The following AADAT variants were observed in gnomAD, a reference collection of about 807,000 sequenced individuals.
AADAT encodes the protein kynurenine/alpha-aminoadipate aminotransferase, mitochondrial.
In AADAT, 25 loss-of-function variants were observed where a neutral mutation model predicts 56.2. That is an observed-to-expected ratio of 0.44 (90% CI 0.32 to 0.62). AADAT has a LOEUF of 0.62. Ranked by LOEUF, AADAT falls within the 20% of genes least tolerant of loss-of-function variation. The pLI, the probability that AADAT is intolerant of heterozygous loss-of-function variation, is 0.04. For synonymous variants in AADAT, 173 were observed against 164.7 expected (o/e 1.05, Z -0.39); for missense variants, 387 against 510.5 (o/e 0.76, Z 2.33).
At chr4:170,092,352 C>A (rs545714019), upstream of AADAT, among the ~76,000 whole-genome samples, 2 of 152,328 alleles carry the variant, frequency 1.3e-5, no homozygotes, top group South Asian at 2.1e-4. Flanking sequence ...GTAAACAAAT[C>A]CAGCCGAGCT....
At chr4:170,075,170 TATATGC>T (rs1197134889) in intron 4 of AADAT, among the ~76,000 whole-genome samples, 4 of 152,246 alleles carry the variant, frequency 2.6e-5, no homozygotes, top group Non-Finnish European at 1.5e-5. Flanking sequence ...TGTGCGTGTG[TATATGC>T]ACGCTTTATA....
chr4:170,070,301 C>T (rs1731696580), intron 6 of AADAT, among the ~76,000 whole-genome samples: 1 of 151,960 alleles, frequency 6.6e-6, no homozygotes, highest in Non-Finnish European at 1.5e-5. Flanking sequence ...GTCCATCAGC[C>T]CTGATTTACT....
upstream of AADAT, among the ~76,000 whole-genome samples, chr4:170,091,434 C>A (rs897591731): frequency 6.6e-6 from 1 of 152,210 alleles, no homozygotes; most frequent in Admixed American, 6.5e-5. Flanking sequence ...GCGCTACCTT[C>A]GAATTCTCGC....
intron 3 of AADAT, among the ~76,000 whole-genome samples, chr4:170,084,040 T>C (rs1732438073): frequency 6.6e-6 from 1 of 152,186 alleles, no homozygotes; most frequent in African/African-American, 2.4e-5. Flanking sequence ...CACAATGGAA[T>C]ATTATTCAAC....
chr4:170,089,634 G>T lies in AADAT; in HGVS notation c.57C>A (p.Ile19=). 1 of 1,614,184 alleles carries T rather than the reference G, an allele frequency of 6.2e-7. No individual in the cohort carries two copies. Among genetic ancestry groups the T allele is most frequent in the Non-Finnish European group, 8.5e-7 (1 of 1,180,024 alleles). The change falls in exon 1 of 13, where the codon ATC becomes ATA. Residue 19 remains isoleucine (I), a synonymous_variant. Transcript: ENST00000337664. ...CACCCCGTTTCTCACTCATGGTCCG[G>T]ATGGGAGAAGGGTTTCTGGCTGCGC... ...AASAARNPSP[I]RTMTDILSRG...
At chr4:170,064,309 T>G (rs557669596) in intron 11 of AADAT, among the ~76,000 whole-genome samples, 1 of 152,318 alleles carries the variant, frequency 6.6e-6, no homozygotes, top group South Asian at 2.1e-4. Context: ...GCTTTACATA[T>G]ATTAACTCAC....
In AADAT at chr4:170,088,255, T is replaced by C. The variant is rs144355399; in HGVS notation, c.236+141A>G. On this transcript the variant is annotated intron_variant, in intron 2 of 12. Coordinates refer to ENST00000337664, the MANE Select transcript of AADAT (RefSeq NM_016228.4). Reference sequence around the variant, plus strand: ...TATTCAATGACTGAGTATTTGGTCATTGAATGACCAAATGGGTCAATGGCT... The same window carrying C: ...TATTCAATGACTGAGTATTTGGTCACTGAATGACCAAATGGGTCAATGGCT... 433 of 826,300 alleles carry C rather than the reference T, an allele frequency of 5.2e-4. 2 individuals carry two copies. The African/African-American group carries it at 5.6e-3, about 11-fold the overall frequency. 51.2% of individuals were successfully genotyped at this position (826,300 alleles called of 1,614,324 possible). A position where few individuals can be genotyped will look rare whatever the true frequency, so the allele number is the denominator to read the frequency against.
At chr4:170,092,604 AC>A (rs889245319), upstream of AADAT, among the ~76,000 whole-genome samples, 15 of 152,180 alleles carry the variant, frequency 9.9e-5, no homozygotes, top group Non-Finnish European at 2.1e-4. Context: ...CCTGTTAGAA[AC>A]CCACGAGGCA....
At chr4:170,088,777 G>C (rs1168060187) in intron 1 of AADAT, among the ~76,000 whole-genome samples, 3 of 152,138 alleles carry the variant, frequency 2.0e-5, no homozygotes, top group African/African-American at 7.2e-5. Context: ...GAGGTGATTA[G>C]GTCAGGAGGG....
intron 4 of AADAT, among the ~76,000 whole-genome samples, chr4:170,075,801 A>G (rs113571908): frequency 2.0e-5 from 3 of 152,236 alleles, no homozygotes; most frequent in African/African-American, 7.2e-5. Flanking sequence ...TATCTCCACT[A>G]ATTTGTCTAT....
At chr4:170,069,306 T>A in intron 6 of AADAT, 76 bp from the exon 7 acceptor site, 3 of 1,168,370 alleles carry the variant, frequency 2.6e-6, no homozygotes, top group Admixed American at 2.0e-5. Flanking sequence ...GAATAGAGAG[T>A]AGAACAGGAG....
intron 11 of AADAT, among the ~76,000 whole-genome samples, 197 bp from the exon 12 acceptor site, chr4:170,062,190 A>C (rs1230929182): frequency 6.6e-6 from 1 of 152,246 alleles, no homozygotes; most frequent in Admixed American, 6.5e-5. Flanking sequence ...GAAACTGAAA[A>C]AATGTTCAGA....
chr4:170,065,018 G>C (rs1299746347), intron 10 of AADAT, among the ~76,000 whole-genome samples, 193 bp from the exon 11 acceptor site: 1 of 150,954 alleles, frequency 6.6e-6, no homozygotes, highest in East Asian at 2.0e-4. Flanking sequence ...ATTTCAAAGA[G>C]TTACTGTGGG....
chr4:170,071,532 G>A (rs1167281502), intron 5 of AADAT, among the ~76,000 whole-genome samples: 2 of 152,214 alleles, frequency 1.3e-5, no homozygotes, highest in African/African-American at 4.8e-5. Flanking sequence ...ACCTAGCTCT[G>A]CAAGGCAGAT....
upstream of AADAT, among the ~76,000 whole-genome samples, chr4:170,091,964 C>T (rs977352141): frequency 3.3e-5 from 5 of 152,208 alleles, no homozygotes; most frequent in African/African-American, 1.2e-4. Flanking sequence ...AATTAGCACT[C>T]TGTATCTAAC....
At chr4:170,081,998 T>G (rs994852840) in intron 3 of AADAT, among the ~76,000 whole-genome samples, 6 of 152,170 alleles carry the variant, frequency 3.9e-5, no homozygotes, top group Non-Finnish European at 8.8e-5. Context: ...CAGATCCATC[T>G]TACGAGAAAT....
chr4:170,090,789 G>A (rs2928819), upstream of AADAT, among the ~76,000 whole-genome samples: 5,182 of 152,182 alleles, frequency 0.034, 301 homozygotes, highest in African/African-American at 0.12. Flanking sequence ...CTTAATGAGG[G>A]AAGGGTTTCA....
At chr4:170,086,401 G>A (rs1732563305) in intron 3 of AADAT, among the ~76,000 whole-genome samples, 1 of 151,868 alleles carries the variant, frequency 6.6e-6, no homozygotes. Flanking sequence ...AGGGGGAGAG[G>A]GAGAGAGAAC....
chr4:170,092,643 G>A (rs886065526), upstream of AADAT, among the ~76,000 whole-genome samples: 1 of 152,226 alleles, frequency 6.6e-6, no homozygotes, highest in East Asian at 1.9e-4. Flanking sequence ...GAGACTTCAA[G>A]TAGTTGAAAT....
Sources: allele counts gnomAD v4.1 joint callset (sites outside exome capture counted in the v4.1 genomes callset), GRCh38; gene constraint gnomAD v4.1.1; transcripts MANE v1.5; gene names NCBI Gene and HGNC (gene_info 2026-07-23, HGNC 2026-07-21).